NLGN1: variants seen among roughly 807,000 people sequenced by gnomAD.
NLGN1 encodes the protein neuroligin-1.
Under a neutral mutation model 65.5 loss-of-function variants are expected in NLGN1, and 12 were observed. The ratio of observed to expected loss-of-function variants is 0.18; its 90% confidence interval spans 0.12 to 0.30. The LOEUF (loss-of-function observed/expected upper bound fraction) is 0.30. Ranked by LOEUF, NLGN1 falls within the 10% of genes least tolerant of loss-of-function variation. NLGN1 has a pLI of 1.00. For synonymous variants in NLGN1, 350 were observed against 359.5 expected (o/e 0.97, Z 0.30); for missense variants, 750 against 1,007.1 (o/e 0.74, Z 3.46).
At chr3:174,050,939 G>A (rs866393233) in intron 4 of NLGN1, among the ~76,000 whole-genome samples, 3 of 151,996 alleles carry the variant, frequency 2.0e-5, no homozygotes, top group Admixed American at 6.6e-5. Flanking sequence ...AGAACGCTGG[G>A]CTGAGAGGTT....
At chr3:173,732,462 T>C (rs1773005615) in intron 3 of NLGN1, among the ~76,000 whole-genome samples, 2 of 152,158 alleles carry the variant, frequency 1.3e-5, no homozygotes, top group Admixed American at 1.3e-4. Flanking sequence ...CTGTAAGTGC[T>C]GCACATAGCT....
At chr3:173,715,293 C>G (rs1432507643) in intron 3 of NLGN1, among the ~76,000 whole-genome samples, 1 of 152,138 alleles carries the variant, frequency 6.6e-6, no homozygotes, top group Non-Finnish European at 1.5e-5. Context: ...TGTTCCATGG[C>G]CTTTAAACAC....
At chr3:174,209,080 C>T (rs2152787407) in intron 4 of NLGN1, among the ~76,000 whole-genome samples, 1 of 152,144 alleles carries the variant, frequency 6.6e-6, no homozygotes, top group East Asian at 1.9e-4. Context: ...TGCCACCAGG[C>T]CCAGCTAATT....
intron 4 of NLGN1, among the ~76,000 whole-genome samples, chr3:174,126,167 G>A (rs558763897): frequency 3.3e-5 from 5 of 152,174 alleles, no homozygotes; most frequent in Non-Finnish European, 5.9e-5. Flanking sequence ...TCTTGAACTG[G>A]ATTTGCTGTA....
At chr3:173,468,247 T>C (rs1328832233) in intron 2 of NLGN1, among the ~76,000 whole-genome samples, 2 of 152,124 alleles carry the variant, frequency 1.3e-5, no homozygotes, top group Non-Finnish European at 2.9e-5. Context: ...GTTCTTTTTG[T>C]TCCTTTGCCT....
chr3:173,417,434 A>C (rs1714026997), intron 1 of NLGN1, among the ~76,000 whole-genome samples: 2 of 151,868 alleles, frequency 1.3e-5, no homozygotes, highest in African/African-American at 4.8e-5. Context: ...AAAAATAGTG[A>C]TTTTCTATTT....
intron 3 of NLGN1, among the ~76,000 whole-genome samples, chr3:173,659,194 C>G (rs1031370008): frequency 6.6e-6 from 1 of 151,798 alleles, no homozygotes; most frequent in Non-Finnish European, 1.5e-5. Flanking sequence ...GAAAATAAAA[C>G]CTAAATGTAG....
chr3:173,424,516 A>C (rs1459712205), intron 1 of NLGN1, among the ~76,000 whole-genome samples: 5 of 152,240 alleles, frequency 3.3e-5, no homozygotes, highest in Non-Finnish European at 7.3e-5. Flanking sequence ...GAAAGCTTTC[A>C]GAATAATTCA....
chr3:174,031,559 T>G (rs1483612611), intron 4 of NLGN1, among the ~76,000 whole-genome samples: 1 of 152,106 alleles, frequency 6.6e-6, no homozygotes, highest in African/African-American at 2.4e-5. Context: ...TGTAAAAGAT[T>G]ATAATGGCTC....
intron 4 of NLGN1, chr3:174,057,535 C>T (rs1326266244): frequency 1.3e-5 from 2 of 151,992 alleles, no homozygotes; most frequent in African/African-American, 4.8e-5. Flanking sequence ...GAGAAACAGC[C>T]CTACATAAGA....
At chr3:173,967,137 G>A (rs1033069578) in intron 4 of NLGN1, among the ~76,000 whole-genome samples, 2 of 152,166 alleles carry the variant, frequency 1.3e-5, no homozygotes, top group Admixed American at 6.5e-5. Flanking sequence ...ATGGAAGATG[G>A]ATATCAGCAG....
intron 4 of NLGN1, among the ~76,000 whole-genome samples, chr3:173,895,006 G>A (rs1047131460): frequency 2.3e-4 from 35 of 152,116 alleles, no homozygotes; most frequent in Admixed American, 4.6e-4. Context: ...TAAAATCAGC[G>A]TATTACAAAG....
intron 3 of NLGN1, among the ~76,000 whole-genome samples, chr3:173,674,406 G>GTCT (rs1762852458): frequency 1.3e-5 from 2 of 152,034 alleles, no homozygotes; most frequent in African/African-American, 4.8e-5. Flanking sequence ...AGGAGACTGA[G>GTCT]GCTTAGGGAG....
intron 4 of NLGN1, among the ~76,000 whole-genome samples, chr3:174,147,590 C>T (rs1466254863): frequency 1.3e-5 from 2 of 151,710 alleles, no homozygotes; most frequent in Admixed American, 6.6e-5. Context: ...GCTGCCACCA[C>T]GCCCGGCTAA....
At chr3:173,793,694 A>G (rs751026494) in intron 3 of NLGN1, among the ~76,000 whole-genome samples, 1 of 152,168 alleles carries the variant, frequency 6.6e-6, no homozygotes, top group African/African-American at 2.4e-5. Context: ...CACAAATGGA[A>G]TAAGACCTCA....
intron 4 of NLGN1, among the ~76,000 whole-genome samples, chr3:174,161,309 T>A (rs1043011112): frequency 1.3e-5 from 2 of 151,754 alleles, no homozygotes; most frequent in African/African-American, 2.4e-5. Context: ...AGCTACAACA[T>A]CTCCCAAAGG....
intron 3 of NLGN1, among the ~76,000 whole-genome samples, chr3:173,802,232 TA>T (rs1345233844): frequency 6.6e-6 from 1 of 152,168 alleles, no homozygotes; most frequent in African/African-American, 2.4e-5. Flanking sequence ...CTAGGCCATG[TA>T]AACCTGAATC....
At chr3:173,431,256 C>T (rs73883133) in intron 1 of NLGN1, among the ~76,000 whole-genome samples, 4,378 of 152,194 alleles carry the variant, frequency 0.029, 212 homozygotes, top group African/African-American at 0.1. Flanking sequence ...CTTTTCCTTC[C>T]CTAGCTGTTG....
intron 4 of NLGN1, among the ~76,000 whole-genome samples, chr3:173,857,022 A>T (rs1400192294): frequency 7.8e-4 from 22 of 28,226 alleles, no homozygotes; most frequent in East Asian, 6.8e-3. Context: ...GCGTTAGATA[A>T]AAAAAAAAAA....
Sources: allele counts gnomAD v4.1 joint callset (sites outside exome capture counted in the v4.1 genomes callset), GRCh38; gene constraint gnomAD v4.1.1; transcripts MANE v1.5; gene names NCBI Gene and HGNC (gene_info 2026-07-23, HGNC 2026-07-21).